Variants in GRIA2 observed in about 807,000 individuals in gnomAD.
GRIA2 encodes glutamate ionotropic receptor AMPA type subunit 2.
Under a neutral mutation model 97.3 loss-of-function variants are expected in GRIA2, and 14 were observed. The observed-to-expected ratio is 0.14, with a 90% CI of 0.10 to 0.23. The LOEUF (loss-of-function observed/expected upper bound fraction) is 0.23, where lower values mean the gene tolerates loss of function less well. Among genes scored for constraint, GRIA2 ranks in the 10% least tolerant of loss-of-function variants. The pLI, the probability that GRIA2 is intolerant of heterozygous loss-of-function variation, is 1.00. For synonymous variants in GRIA2, 412 were observed against 387.8 expected (o/e 1.06, Z -0.73); for missense variants, 558 against 1,069.8 (o/e 0.52, Z 6.67).
At chr4:157,321,669 GA>G (rs1734575956) in intron 6 of GRIA2, 70 bp downstream of exon 6, 1 of 1,045,306 alleles carries the variant, frequency 9.6e-7, no homozygotes, top group Admixed American at 2.3e-5. Flanking sequence ...GGCAAATAAG[GA>G]GGAAGGAGAA....
intron 2 of GRIA2, among the ~76,000 whole-genome samples, chr4:157,266,845 G>A (rs1731793651): frequency 6.6e-6 from 1 of 151,932 alleles, no homozygotes; most frequent in Non-Finnish European, 1.5e-5. Flanking sequence ...GATTGCTTGA[G>A]GCCAGGAGTT....
chr4:157,220,980 G>T lies in GRIA2; in HGVS notation c.-63G>T. 1 of 833,238 alleles carries T rather than the reference G, an allele frequency of 1.2e-6. No individual in the cohort carries two copies. The allele number at this position is 833,238 out of a possible 1,614,324, so 51.6% of individuals were successfully genotyped here. A position where few individuals can be genotyped will look rare whatever the true frequency, so the allele number is the denominator to read the frequency against. On this transcript the variant is annotated 5_prime_UTR_variant, in exon 1 of 16. Coordinates refer to ENST00000264426, the MANE Select transcript of GRIA2 (RefSeq NM_001083619.3). ...TAATTTGCAGAGGAAAACAGCCAAA[G>T]AAGGAAGAGGAGGAAAAGGAAAAAA...
rs756236327 is a variant in GRIA2, at chr4:157,361,001, C to T, written c.2292-9C>T. Reference sequence around the variant, plus strand: ...ACCCTGTCTGACAAGTATGTTTTATCGTTTCAAGAAATGCGGTTAACCTCG... The same window carrying T: ...ACCCTGTCTGACAAGTATGTTTTATTGTTTCAAGAAATGCGGTTAACCTCG... On this transcript the variant is annotated splice_polypyrimidine_tract_variant and intron_variant, in intron 13 of 15. Transcript: ENST00000264426. This position sits in a 1 kb window ranked among gnomAD's most constrained non-coding sequence, Gnocchi z 5.2. The T allele has an allele frequency of 2.0e-5, 31 of 1,577,756 alleles. No homozygotes were observed. Among genetic ancestry groups the T allele is most frequent in the Non-Finnish European group, 2.5e-5 (29 of 1,147,628 alleles).
Position 157,361,200 on chromosome 4 carries a change from C to T in GRIA2, c.2406+76C>T, listed in dbSNP as rs1579394664. 9.0e-7 allele frequency: 1 copy of T among 1,115,042 alleles called. No individual in the cohort carries two copies. Among genetic ancestry groups the T allele is most frequent in the Admixed American group, 2.0e-5 (1 of 50,466 alleles). The allele number at this position is 1,115,042 out of a possible 1,614,324, so 69.1% of individuals were successfully genotyped here. ...GCAGCAGCTATGCACAGTGTGGGCA[C>T]TCCGTGCCACCAAGTTTCCAACGCT... On this transcript the variant is annotated intron_variant, in intron 14 of 15. Coordinates refer to ENST00000264426, the MANE Select transcript of GRIA2 (RefSeq NM_001083619.3). The surrounding 1 kb of genome is among the most constrained non-coding windows in gnomAD (Gnocchi z 5.2).
intron 9 of GRIA2, chr4:157,334,986 C>G (rs1735216912): frequency 6.6e-6 from 1 of 152,206 alleles, no homozygotes; most frequent in Non-Finnish European, 1.5e-5. Context: ...ACTGAGACCC[C>G]AAATATCCTC....
chr4:157,341,497 T>TTTGTG, intron 12 of GRIA2, 35 bp downstream of exon 12: 1 of 1,430,492 alleles, frequency 7.0e-7, no homozygotes, highest in Admixed American at 1.7e-5. Flanking sequence ...CTGATTTTGT[T>TTTGTG]CCTGAAATTT....
At chr4:157,222,577 G>A (rs977621120) in intron 2 of GRIA2, among the ~76,000 whole-genome samples, 1 of 152,176 alleles carries the variant, frequency 6.6e-6, no homozygotes, top group African/African-American at 2.4e-5. Context: ...GGGGCGCCGC[G>A]GTCAGCTTGC....
intron 2 of GRIA2, among the ~76,000 whole-genome samples, chr4:157,282,270 G>A (rs1311448242): frequency 6.6e-6 from 1 of 152,074 alleles, no homozygotes; most frequent in Non-Finnish European, 1.5e-5. Context: ...AAGGCAAGTA[G>A]GCAAGAATGT....
chr4:157,239,844 T>C (rs1453527125), intron 2 of GRIA2, among the ~76,000 whole-genome samples: 1 of 152,048 alleles, frequency 6.6e-6, no homozygotes, highest in African/African-American at 2.4e-5. Context: ...TTTTCCTGTA[T>C]ACTTGAAATT....
chr4:157,315,071 G>A (rs757677883), intron 4 of GRIA2, among the ~76,000 whole-genome samples: 1 of 152,194 alleles, frequency 6.6e-6, no homozygotes, highest in African/African-American at 2.4e-5. Flanking sequence ...CACATAAGAC[G>A]TGGCATTTGG....
chr4:157,267,635 T>A (rs1273528666), intron 2 of GRIA2, among the ~76,000 whole-genome samples: 1 of 152,044 alleles, frequency 6.6e-6, no homozygotes, highest in African/African-American at 2.4e-5. Flanking sequence ...AGTTTATTGT[T>A]GTTGTTTGTT....
rs1735309036 is a variant in GRIA2 at position 157,336,845 on chromosome 4, C to T, written c.1844+98C>T. ...CCCTAAAGAAGTTACCAGCTGCCGA[C>T]TTCCTGTCCAAGCAGTTTAAGACTC... On this transcript the variant is annotated intron_variant, in intron 11 of 15. Transcript: ENST00000264426. 8.9e-6 allele frequency: 10 copies of T among 1,118,030 alleles called. No individual in the cohort carries two copies. In the South Asian group the frequency reaches 1.4e-4, roughly 16 times the overall value. 69.3% of individuals were successfully genotyped at this position (1,118,030 alleles called of 1,614,324 possible). A position where few individuals can be genotyped will look rare whatever the true frequency, so the allele number is the denominator to read the frequency against.
At chr4:157,347,956 A>G (rs1007439910) in intron 12 of GRIA2, among the ~76,000 whole-genome samples, 16 of 152,036 alleles carry the variant, frequency 1.1e-4, no homozygotes, top group African/African-American at 3.9e-4. Context: ...AAAGCCCATC[A>G]CTACTAAAAA....
intron 2 of GRIA2, among the ~76,000 whole-genome samples, chr4:157,222,794 A>G (rs1037110067): frequency 1.3e-5 from 2 of 152,282 alleles, no homozygotes; most frequent in African/African-American, 4.8e-5. Flanking sequence ...GGGTTCAGAT[A>G]AAGTACTAGA....
intron 13 of GRIA2, chr4:157,360,589 T>G (rs1736592323): frequency 2.4e-6 from 1 of 411,370 alleles, no homozygotes; most frequent in Non-Finnish European, 4.7e-6. Flanking sequence ...TTCATTTTAA[T>G]TTTTGTTTAA....
chr4:157,288,798 G>C (rs1441862006), intron 2 of GRIA2, among the ~76,000 whole-genome samples: 1 of 151,614 alleles, frequency 6.6e-6, no homozygotes, highest in Non-Finnish European at 1.5e-5. Context: ...CAGTAGTTTT[G>C]CATAAGGTCT....
chr4:157,331,416 C>A (rs1330419532), intron 6 of GRIA2, among the ~76,000 whole-genome samples: 5 of 151,864 alleles, frequency 3.3e-5, no homozygotes, highest in Non-Finnish European at 7.4e-5. Context: ...AATTTCCATA[C>A]AAACTGCAAT....
At chr4:157,311,551 C>G (rs950802906) in intron 3 of GRIA2, among the ~76,000 whole-genome samples, 1 of 151,870 alleles carries the variant, frequency 6.6e-6, no homozygotes, top group Non-Finnish European at 1.5e-5. Flanking sequence ...ATAATTGACT[C>G]TTTTTCATAG....
intron 2 of GRIA2, among the ~76,000 whole-genome samples, chr4:157,248,059 GTA>G (rs900338638): frequency 6.6e-6 from 1 of 150,846 alleles, no homozygotes; most frequent in Non-Finnish European, 1.5e-5. Context: ...TCTTTGACGT[GTA>G]TATATATATA....
Sources: gnomAD v4.1 joint callset for allele counts (sites outside exome capture counted in the v4.1 genomes callset) on GRCh38, gnomAD v4.1.1 for gene constraint, Gnocchi (gnomAD v3.1) non-coding constraint, MANE v1.5 for transcripts, NCBI Gene and HGNC (gene_info 2026-07-23, HGNC 2026-07-21) for gene names.